LGR5: variants seen among roughly 807,000 people sequenced by gnomAD.
LGR5 encodes leucine rich repeat containing G protein-coupled receptor 5.
A neutral mutation model predicts 76.7 loss-of-function variants in LGR5; 54 were observed. That is an observed-to-expected ratio of 0.70 (90% CI 0.57 to 0.88). The LOEUF is 0.88. Ranked by LOEUF, LGR5 falls within the 40% of genes least tolerant of loss-of-function variation. The probability of loss-of-function intolerance (pLI) is 0.00; values close to 1 mark genes in which losing one functional copy is unlikely to be tolerated. For missense variants in LGR5, 1,078 were observed against 1,073.3 expected (o/e 1.00, Z -0.06); for synonymous variants, 406 against 421.9 (o/e 0.96, Z 0.46).
intron 1 of LGR5, among the ~76,000 whole-genome samples, chr12:71,447,974 C>T (rs1872081227): frequency 6.6e-6 from 1 of 152,094 alleles, no homozygotes; most frequent in South Asian, 2.1e-4. Context: ...TCCTTTTTTC[C>T]GTGTTGCTCA....
At chr12:71,577,506 T>C (rs1337815369) in intron 13 of LGR5, among the ~76,000 whole-genome samples, 1 of 152,198 alleles carries the variant, frequency 6.6e-6, no homozygotes, top group South Asian at 2.1e-4. Flanking sequence ...ATGAGTGATG[T>C]GCCCAAATTT....
At chr12:71,525,176 GA>G (rs1565719975) in intron 3 of LGR5, among the ~76,000 whole-genome samples, 1 of 151,566 alleles carries the variant, frequency 6.6e-6, no homozygotes, top group African/African-American at 2.4e-5. Flanking sequence ...GTTTATCTCA[GA>G]AAAAAAATCC....
intron 8 of LGR5, among the ~76,000 whole-genome samples, chr12:71,565,728 T>A (rs1878310949): frequency 6.6e-6 from 1 of 151,610 alleles, no homozygotes; most frequent in Admixed American, 6.6e-5. Flanking sequence ...TAGACATTAG[T>A]GAATATTTGT....
chr12:71,530,190 A>G (rs1230615180), intron 3 of LGR5, among the ~76,000 whole-genome samples: 1 of 152,212 alleles, frequency 6.6e-6, no homozygotes, highest in Non-Finnish European at 1.5e-5. Flanking sequence ...TTACTTAAGT[A>G]TAATAGAAGT....
At position 71,561,931 on chromosome 12, in the gene LGR5, T is replaced by C. The variant is rs1279213927; in HGVS notation, c.857+79T>C. The C allele has an allele frequency of 2.1e-5, 18 of 859,526 alleles. No homozygotes were observed. The Admixed American group carries it at 3.0e-4, about 14-fold the overall frequency. 53.2% of individuals were successfully genotyped at this position (859,526 alleles called of 1,614,324 possible). A position where few individuals can be genotyped will look rare whatever the true frequency, so the allele number is the denominator to read the frequency against. On this transcript the variant is annotated intron_variant, in intron 8 of 17. Coordinates refer to ENST00000266674, the MANE Select transcript of LGR5 (RefSeq NM_003667.4). Reference sequence around the variant, plus strand: ...ATACTTTGAAATACAATGAATATTCTATATTTGCCTGAGTTTTGTCTTAGT... The same window carrying C: ...ATACTTTGAAATACAATGAATATTCCATATTTGCCTGAGTTTTGTCTTAGT...
At chr12:71,554,931 TC>T (rs1391627191) in intron 5 of LGR5, among the ~76,000 whole-genome samples, 1 of 152,138 alleles carries the variant, frequency 6.6e-6, no homozygotes, top group Non-Finnish European at 1.5e-5. Flanking sequence ...GAGGAAGGCT[TC>T]TTCTCACTAT....
intron 2 of LGR5, among the ~76,000 whole-genome samples, chr12:71,505,289 A>G (rs1007841266): frequency 7.9e-5 from 12 of 152,266 alleles, no homozygotes; most frequent in Non-Finnish European, 1.6e-4. Context: ...AAATTAGTTA[A>G]TGATACACAG....
intron 4 of LGR5, among the ~76,000 whole-genome samples, chr12:71,547,721 A>G (rs1483635708): frequency 6.6e-6 from 1 of 152,132 alleles, no homozygotes; most frequent in East Asian, 1.9e-4. Flanking sequence ...GATTCAGTGC[A>G]CTTTCCAGTT....
At chr12:71,578,310 T>C (rs948247105) in intron 14 of LGR5, among the ~76,000 whole-genome samples, 5 of 152,198 alleles carry the variant, frequency 3.3e-5, no homozygotes, top group African/African-American at 1.2e-4. Flanking sequence ...CATTTTATTT[T>C]ATGCCATTTT....
chr12:71,572,775 A>T (rs148385448), intron 12 of LGR5, 75 bp from the exon 13 acceptor site: 62 of 1,108,056 alleles, frequency 5.6e-5, no homozygotes, highest in Non-Finnish European at 8.0e-5. Context: ...TAGTCCCTCT[A>T]TAAAAGTTAT....
intron 17 of LGR5, 158 bp from the exon 18 acceptor site, chr12:71,583,489 G>A: frequency 2.6e-6 from 2 of 783,946 alleles, no homozygotes; most frequent in Middle Eastern, 2.4e-4. Flanking sequence ...GGGTGACAGT[G>A]GCTTGAGATA....
At chr12:71,477,355 G>T (rs1873382496) in intron 1 of LGR5, among the ~76,000 whole-genome samples, 1 of 151,788 alleles carries the variant, frequency 6.6e-6, no homozygotes. Context: ...GAGTGGAAAG[G>T]GTGGGACACG....
In LGR5 at chr12:71,471,355, T is replaced by A. The variant is rs571005299; in HGVS notation, c.212+31063T>A. On this transcript the variant is annotated intron_variant, in intron 1 of 17. Transcript: ENST00000266674. ...GTACTGATACATGATACAATATGAA[T>A]GAGCCTTGTGTGTGAGTCTGTTTGT... is the stretch of plus-strand genomic sequence containing the variant. Among the ~76,000 whole-genome samples the A allele has an allele frequency of 6.6e-5, 10 of 152,302 alleles. No homozygotes were observed. The South Asian group carries it at 1.5e-3, about 22-fold the overall frequency.
intron 4 of LGR5, among the ~76,000 whole-genome samples, chr12:71,547,335 T>C (rs1330710404): frequency 1.3e-5 from 2 of 152,014 alleles, no homozygotes; most frequent in Non-Finnish European, 2.9e-5. Flanking sequence ...GAACATAGAT[T>C]AAAGAATGTA....
intron 1 of LGR5, among the ~76,000 whole-genome samples, chr12:71,463,855 A>T (rs1033822221): frequency 6.6e-6 from 1 of 151,906 alleles, no homozygotes; most frequent in Non-Finnish European, 1.5e-5. Flanking sequence ...ATGTGTGTGT[A>T]TATATATAAT....
At chr12:71,552,957 G>C in intron 4 of LGR5, 116 bp from the exon 5 acceptor site, 1 of 812,452 alleles carries the variant, frequency 1.2e-6, no homozygotes, top group Admixed American at 2.5e-5. Flanking sequence ...GGGCTCTCGG[G>C]GACCCCAGGC....
intron 3 of LGR5, among the ~76,000 whole-genome samples, chr12:71,528,221 G>A (rs1876116761): frequency 6.6e-6 from 1 of 152,128 alleles, no homozygotes; most frequent in Non-Finnish European, 1.5e-5. Context: ...ACTTTGGGAG[G>A]CAGAGGTGAC....
In LGR5 at chr12:71,561,829, A is replaced by G; in HGVS notation, c.834A>G (p.Val278=). 1 of 1,604,114 alleles carries G rather than the reference A, an allele frequency of 6.2e-7. No homozygotes were observed. Among genetic ancestry groups the G allele is most frequent in the Non-Finnish European group, 8.5e-7 (1 of 1,172,412 alleles). ...GGTCGATACCTGAGAAAGCATTTGT[A>G]GGCAACCCTTCTCTTATTACAATGT... ...NIRSIPEKAF[V]GNPSLITIHF... is the part of the protein sequence containing the mutation. Residue 278 remains valine (V), a synonymous_variant, in exon 8 of 18, where the codon GTA becomes GTG. Transcript: ENST00000266674.
At chr12:71,493,857 C>A (rs1003069098) in intron 1 of LGR5, among the ~76,000 whole-genome samples, 1 of 149,458 alleles carries the variant, frequency 6.7e-6, no homozygotes, top group African/African-American at 2.5e-5. Context: ...AAGCGGTGAC[C>A]TTCTAGGCTC....
Sources: gnomAD v4.1 joint callset for allele counts (sites outside exome capture counted in the v4.1 genomes callset) on GRCh38, gnomAD v4.1.1 for gene constraint, MANE v1.5 for transcripts, NCBI Gene and HGNC (gene_info 2026-07-23, HGNC 2026-07-21) for gene names.